Variants in ABR observed in about 807,000 individuals in gnomAD.
The protein encoded by ABR is ABR activator of RhoGEF and GTPase.
ABR carries 35 observed loss-of-function variants against 107.2 expected under a neutral mutation model. The observed-to-expected ratio is 0.33, with a 90% confidence interval of 0.25 to 0.43. ABR has a LOEUF of 0.43. Among genes scored for constraint, ABR ranks in the 20% least tolerant of loss-of-function variants. ABR has a pLI of 1.00. For synonymous variants in ABR, 498 were observed against 462.0 expected, an observed-to-expected ratio of 1.08 and a Z score of -1.00; for missense variants, 815 against 1,115.2, an observed-to-expected ratio of 0.73 and a Z score of 3.83.
chr17:1,158,393 GC>G (rs1399360355), intron 1 of ABR, among the ~76,000 whole-genome samples: 3 of 150,738 alleles, frequency 2.0e-5, no homozygotes, highest in Non-Finnish European at 1.5e-5. Context: ...ACCGCGCCCA[GC>G]CGTCTCGTTA....
chr17:1,088,748 C>T (rs1428299376), intron 4 of ABR, among the ~76,000 whole-genome samples: 2 of 151,450 alleles, frequency 1.3e-5, no homozygotes, highest in Non-Finnish European at 2.9e-5. Context: ...GTTATCATGC[C>T]CGGCTAATTT....
chr17:1,058,384 C>A (rs1413762125), intron 11 of ABR, among the ~76,000 whole-genome samples: 1 of 152,164 alleles, frequency 6.6e-6, no homozygotes, highest in East Asian at 1.9e-4. Flanking sequence ...AGGTGATTCG[C>A]CTGCCTCAGC....
intron 16 of ABR, chr17:1,022,461 CG>C (rs1449040443): frequency 3.3e-5 from 5 of 153,400 alleles, no homozygotes; most frequent in Non-Finnish European, 7.3e-5. Flanking sequence ...ACGGGGGAGA[CG>C]GGAGTTGCCA....
At chr17:1,205,977 G>C (rs148886260) in intron 1 of ABR, among the ~76,000 whole-genome samples, 118 of 151,748 alleles carry the variant, frequency 7.8e-4, no homozygotes, top group African/African-American at 2.7e-3. Flanking sequence ...TTAGCTGGGC[G>C]TGGTGGCGCG....
At chr17:1,146,795 TGCCACCAC>T (rs2040561265) in intron 1 of ABR, among the ~76,000 whole-genome samples, 7 of 56,472 alleles carry the variant, frequency 1.2e-4, no homozygotes, top group South Asian at 7.1e-4. Flanking sequence ...ACTGCCACCA[TGCCACCAC>T]TGCCACCAGG....
chr17:1,100,056 G>A (rs1357158438), intron 3 of ABR, among the ~76,000 whole-genome samples: 4 of 151,504 alleles, frequency 2.6e-5, no homozygotes, highest in Non-Finnish European at 5.9e-5. Context: ...AACCCGGGAG[G>A]CAGAGGTTGC....
rs1291235662 is a variant in ABR at position 1,078,829 on chromosome 17, A to G, written c.700+501T>C. ...CCTGGGTTACCATAGGTGCAGTTAC[A>G]GCAGAAGCGAATAATGAGGAGAATC... On this transcript the variant is annotated intron_variant, in intron 6 of 22. Transcript: ENST00000302538. This position sits in a 1 kb window ranked among gnomAD's most constrained non-coding sequence, Gnocchi z 7.5. The G allele has an allele frequency of 2.0e-6, 3 of 1,535,472 alleles. No homozygotes were observed. Among genetic ancestry groups the G allele is most frequent in the Non-Finnish European group, 2.6e-6 (3 of 1,146,848 alleles).
At chr17:1,114,573 G>GACC (rs1222553619) in intron 2 of ABR, among the ~76,000 whole-genome samples, 4 of 152,130 alleles carry the variant, frequency 2.6e-5, no homozygotes, top group Non-Finnish European at 2.9e-5. Flanking sequence ...AGGAGTTTGA[G>GACC]ACCATCCTGG....
chr17:1,215,386 G>A (rs1188291068), intron 1 of ABR, among the ~76,000 whole-genome samples: 5 of 152,208 alleles, frequency 3.3e-5, no homozygotes, highest in Admixed American at 6.5e-5. Flanking sequence ...TTGCAGGCGC[G>A]CGCTGCCATG....
At chr17:1,025,869 C>G (rs1015677625) in intron 16 of ABR, among the ~76,000 whole-genome samples, 1 of 152,272 alleles carries the variant, frequency 6.6e-6, no homozygotes, top group Admixed American at 6.5e-5. Context: ...AGGCCTGGCA[C>G]GTGGAAGGTG....
At chr17:1,192,671 G>C (rs1168205015) in intron 1 of ABR, among the ~76,000 whole-genome samples, 1 of 152,152 alleles carries the variant, frequency 6.6e-6, no homozygotes, top group Admixed American at 6.5e-5. Context: ...CCAGCACTTT[G>C]GGAGGCCGAG....
chr17:1,067,967 CTT>C (rs2034892560), intron 9 of ABR, among the ~76,000 whole-genome samples: 1 of 152,132 alleles, frequency 6.6e-6, no homozygotes, highest in Non-Finnish European at 1.5e-5. Context: ...GAGTTTTGCT[CTT>C]GTTCCCAGGC....
At chr17:1,008,917 A>G (rs1232733373) in intron 21 of ABR, among the ~76,000 whole-genome samples, 2 of 152,210 alleles carry the variant, frequency 1.3e-5, no homozygotes, top group Non-Finnish European at 2.9e-5. Flanking sequence ...GAAGGCAAGA[A>G]GGGTCTGAAT....
intron 2 of ABR, among the ~76,000 whole-genome samples, chr17:1,109,415 G>T (rs936011482): frequency 1.3e-5 from 2 of 151,930 alleles, no homozygotes; most frequent in African/African-American, 4.8e-5. Context: ...CCGGGGCTCG[G>T]GCTCGCGCTC....
chr17:1,179,754 G>A lies in ABR; in HGVS notation c.-27C>T. 2 of 1,064,762 alleles carry A rather than the reference G, an allele frequency of 1.9e-6. No homozygotes were observed. Among genetic ancestry groups the A allele is most frequent in the Non-Finnish European group, 2.6e-6 (2 of 774,624 alleles). 66.0% of individuals were successfully genotyped at this position (1,064,762 alleles called of 1,614,324 possible). ...CCGCGGCGGCGGCTCGGTCAGATCC[G>A]AAACCCGACCCTCATCGCGCAACAA... is the stretch of plus-strand genomic sequence containing the variant. On this transcript the variant is annotated 5_prime_UTR_variant, in exon 1 of 23. Transcript: ENST00000302538. The surrounding 1 kb of genome is among the most constrained non-coding windows in gnomAD (Gnocchi z 4.9).
intron 16 of ABR, among the ~76,000 whole-genome samples, chr17:1,014,427 C>T (rs1402098716): frequency 3.4e-5 from 5 of 148,372 alleles, no homozygotes; most frequent in African/African-American, 1.0e-4. Context: ...GGCGACAGAG[C>T]GAGACTCCGT....
chr17:1,208,951 T>A (rs2042851813), intron 1 of ABR, among the ~76,000 whole-genome samples: 1 of 151,536 alleles, frequency 6.6e-6, no homozygotes, highest in Non-Finnish European at 1.5e-5. Flanking sequence ...AAGTGCTTAG[T>A]ATGGGTCTCT....
chr17:1,133,173 T>G (rs552552479), intron 1 of ABR, among the ~76,000 whole-genome samples: 18 of 150,354 alleles, frequency 1.2e-4, no homozygotes, highest in African/African-American at 4.4e-4. Context: ...ACCTGGGAGG[T>G]GGAGGTTGCG....
At chr17:1,075,474 G>A (rs2035625836) in intron 6 of ABR, among the ~76,000 whole-genome samples, 1 of 152,236 alleles carries the variant, frequency 6.6e-6, no homozygotes, top group South Asian at 2.1e-4. Context: ...ACACTTCAGG[G>A]AGCAATCTGC....
Sources: allele counts gnomAD v4.1 joint callset (sites outside exome capture counted in the v4.1 genomes callset), GRCh38; gene constraint gnomAD v4.1.1; non-coding constraint Gnocchi (gnomAD v3.1); transcripts MANE v1.5; gene names NCBI Gene and HGNC (gene_info 2026-07-23, HGNC 2026-07-21).